COL9A1: variants seen among roughly 807,000 people sequenced by gnomAD.
COL9A1 encodes the protein collagen type IX alpha 1 chain.
In COL9A1, 104 loss-of-function variants were observed where a neutral mutation model predicts 142.6. The ratio of observed to expected loss-of-function variants is 0.73; its 90% CI spans 0.62 to 0.86. The LOEUF (loss-of-function observed/expected upper bound fraction) is 0.86. Ranked by LOEUF, COL9A1 falls within the 40% of genes least tolerant of loss-of-function variation. COL9A1 has a pLI of 0.00. For missense variants in COL9A1, 1,210 were observed against 1,176.6 expected, an observed-to-expected ratio of 1.03 and a Z score of -0.42; for synonymous variants, 466 against 396.0, an observed-to-expected ratio of 1.18 and a Z score of -2.10.
chr6:70,271,594 T>G, intron 14 of COL9A1, 61 bp downstream of exon 14: 1 of 1,501,012 alleles, frequency 6.7e-7, no homozygotes, highest in Non-Finnish European at 9.3e-7. Context: ...TAATTTGCTT[T>G]CCCAAATAAC....
intron 30 of COL9A1, 81 bp downstream of exon 30, chr6:70,241,883 G>T: frequency 7.9e-7 from 1 of 1,267,636 alleles, no homozygotes; most frequent in South Asian, 1.3e-5. Context: ...TCTCCACAGG[G>T]CCAAAAGCAA....
At chr6:70,285,739 A>C (rs369762564) in intron 5 of COL9A1, among the ~76,000 whole-genome samples, 1 of 152,256 alleles carries the variant, frequency 6.6e-6, no homozygotes, top group African/African-American at 2.4e-5. Flanking sequence ...AAATCTACTA[A>C]ACAGAATATA....
At chr6:70,276,753 C>A (rs1297592752) in intron 10 of COL9A1, among the ~76,000 whole-genome samples, 2 of 152,128 alleles carry the variant, frequency 1.3e-5, no homozygotes, top group African/African-American at 4.8e-5. Flanking sequence ...TTTAAGGAGG[C>A]CTTCCAGGTG....
chr6:70,263,263 A>G lies in COL9A1; in HGVS notation c.1376T>C (p.Val459Ala), dbSNP rs761676771. 93 of 1,609,182 alleles carry G rather than the reference A, an allele frequency of 5.8e-5. No homozygotes were observed. Among genetic ancestry groups the G allele is most frequent in the Non-Finnish European group, 7.0e-5 (83 of 1,177,564 alleles). The part of the protein sequence containing the change: ...EEGDQGELGE[V>A]GAQGPPGAQG... Reference sequence around the variant, plus strand: ...CTTTACTGGAGGTCCTTGAGCTCCAACTTCTCCGAGTTCTCCCTGGTCACC... The same window carrying G: ...CTTTACTGGAGGTCCTTGAGCTCCAGCTTCTCCGAGTTCTCCCTGGTCACC... The change falls in exon 19 of 38, where the codon GTT (valine) becomes GCT (alanine). Residue 459 changes from valine (V) to alanine (A), a missense_variant. Val to Ala is a moderately conservative substitution (Grantham distance 64). Coordinates refer to ENST00000357250, the MANE Select transcript of COL9A1 (RefSeq NM_001851.6).
intron 20 of COL9A1, among the ~76,000 whole-genome samples, chr6:70,258,260 A>G (rs1180019418): frequency 6.6e-6 from 1 of 152,242 alleles, no homozygotes; most frequent in African/African-American, 2.4e-5. Flanking sequence ...CAGCCTTCTA[A>G]TGAACCAAGT....
At chr6:70,302,699 C>T (rs1343603637) in intron 1 of COL9A1, among the ~76,000 whole-genome samples, 1 of 152,000 alleles carries the variant, frequency 6.6e-6, no homozygotes, top group Non-Finnish European at 1.5e-5. Context: ...GTCACTTTCT[C>T]TCCCTTCCTC....
intron 18 of COL9A1, among the ~76,000 whole-genome samples, chr6:70,263,892 G>T (rs941078726): frequency 5.3e-5 from 8 of 151,574 alleles, no homozygotes; most frequent in African/African-American, 1.7e-4. Context: ...TTATATTTTT[G>T]CTCTATTTCT....
At chr6:70,245,459 A>G (rs1000393409) in intron 28 of COL9A1, among the ~76,000 whole-genome samples, 2 of 152,206 alleles carry the variant, frequency 1.3e-5, no homozygotes, top group Admixed American at 6.5e-5. Flanking sequence ...GGTAACCACA[A>G]GTGTGCTAAA....
At chr6:70,220,669 G>T (rs921653113) in intron 37 of COL9A1, among the ~76,000 whole-genome samples, 3 of 152,110 alleles carry the variant, frequency 2.0e-5, no homozygotes, top group African/African-American at 7.2e-5. Flanking sequence ...AGCCTCAGTT[G>T]GGTGACACTA....
At chr6:70,221,353 A>G (rs1768872135) in intron 37 of COL9A1, among the ~76,000 whole-genome samples, 1 of 152,146 alleles carries the variant, frequency 6.6e-6, no homozygotes, top group Non-Finnish European at 1.5e-5. Flanking sequence ...AGTTTCTTAT[A>G]TTTCTTGAGC....
At chr6:70,257,672 G>A (rs1435736509) in intron 20 of COL9A1, among the ~76,000 whole-genome samples, 4 of 152,146 alleles carry the variant, frequency 2.6e-5, no homozygotes, top group African/African-American at 7.2e-5. Flanking sequence ...ACTTGGGCCC[G>A]AGAGGAGGAG....
chr6:70,283,168 G>T, intron 6 of COL9A1: 7 of 1,504,362 alleles, frequency 4.7e-6, no homozygotes, highest in Non-Finnish European at 6.2e-6. Flanking sequence ...AGCACCCCCG[G>T]GAGTAGCGGT....
At chr6:70,232,411 A>G (rs1220155502) in intron 36 of COL9A1, among the ~76,000 whole-genome samples, 172 bp downstream of exon 36, 1 of 152,196 alleles carries the variant, frequency 6.6e-6, no homozygotes, top group Non-Finnish European at 1.5e-5. Flanking sequence ...GGGTCAAGGG[A>G]ATATTATATA....
At chr6:70,220,627 T>C (rs575132672) in intron 37 of COL9A1, among the ~76,000 whole-genome samples, 2 of 152,300 alleles carry the variant, frequency 1.3e-5, no homozygotes, top group East Asian at 3.9e-4. Context: ...ACCCAGGGCC[T>C]TTGCTCTCAT....
At chr6:70,287,635 T>A (rs1773508408) in intron 5 of COL9A1, among the ~76,000 whole-genome samples, 1 of 112,148 alleles carries the variant, frequency 8.9e-6, no homozygotes, top group Admixed American at 1.0e-4. Flanking sequence ...CCAATTCTTC[T>A]CCTCATTTTC....
In COL9A1 at chr6:70,274,092, A is replaced by AAAAT. The variant is rs755841906; in HGVS notation, c.1030-14_1030-11dup. On this transcript the variant is annotated splice_polypyrimidine_tract_variant and intron_variant, in intron 11 of 37. Transcript: ENST00000357250. ...GCACACCAGGTTCTCCCTAAAAATA[A>AAAAT]AAATAGTTTCATTGTACTGACCTTT... The AAAAT allele has an allele frequency of 1.3e-6, 2 of 1,588,440 alleles. No homozygotes were observed. The highest frequency in any genetic ancestry group is 4.6e-5 in the East Asian group (2 of 43,884).
chr6:70,229,177 C>T (rs952685679), intron 36 of COL9A1, among the ~76,000 whole-genome samples: 4 of 152,080 alleles, frequency 2.6e-5, no homozygotes, highest in African/African-American at 9.7e-5. Flanking sequence ...AAGATGAGCT[C>T]CAAAACAGAG....
At chr6:70,258,353 T>TGAATCAAGTGTC (rs559644662) in intron 20 of COL9A1, among the ~76,000 whole-genome samples, 12 of 152,166 alleles carry the variant, frequency 7.9e-5, no homozygotes, top group Non-Finnish European at 1.5e-4. Flanking sequence ...ATGTCAAATT[T>TGAATCAAGTGTC]GAATCAAGTG....
intron 4 of COL9A1, among the ~76,000 whole-genome samples, chr6:70,299,498 G>A (rs1773974749): frequency 6.6e-6 from 1 of 152,120 alleles, no homozygotes; most frequent in South Asian, 2.1e-4. Flanking sequence ...AGAGCAAAAG[G>A]CTTAGTTCCA....
Sources: allele counts gnomAD v4.1 joint callset (sites outside exome capture counted in the v4.1 genomes callset), GRCh38; gene constraint gnomAD v4.1.1; transcripts MANE v1.5; gene names NCBI Gene and HGNC (gene_info 2026-07-23, HGNC 2026-07-21).